Variants in KLHL14 observed in about 807,000 individuals in gnomAD.
KLHL14 encodes the protein kelch-like protein 14.
A neutral mutation model predicts 64.3 loss-of-function variants in KLHL14; 22 were observed. The ratio of observed to expected loss-of-function variants is 0.34; its 90% CI spans 0.24 to 0.49. The LOEUF (loss-of-function observed/expected upper bound fraction) is 0.49. Ranked by LOEUF, KLHL14 falls within the 20% of genes least tolerant of loss-of-function variation. The pLI is 0.99. For missense variants in KLHL14, 661 were observed against 789.0 expected (o/e 0.84, Z 1.94); for synonymous variants, 322 against 333.4 (o/e 0.97, Z 0.37).
chr18:32,745,568 A>G (rs1209473665), intron 2 of KLHL14: 2 of 152,326 alleles, frequency 1.3e-5, no homozygotes, highest in East Asian at 3.9e-4. Context: ...CGAATAAAGA[A>G]ACCTAATAGA....
chr18:32,689,668 G>T (rs1245705435), intron 4 of KLHL14, among the ~76,000 whole-genome samples: 2 of 152,298 alleles, frequency 1.3e-5, no homozygotes, highest in Non-Finnish European at 2.9e-5. Context: ...TCAAAGTTCG[G>T]ACACACTGGA....
At chr18:32,747,578 G>C (rs979325631) in intron 2 of KLHL14, among the ~76,000 whole-genome samples, 1 of 152,202 alleles carries the variant, frequency 6.6e-6, no homozygotes, top group African/African-American at 2.4e-5. Flanking sequence ...GCAGAGCTCA[G>C]GTGGTAATGC....
At chr18:32,682,861 G>A (rs1244022431) in intron 5 of KLHL14, among the ~76,000 whole-genome samples, 2 of 152,126 alleles carry the variant, frequency 1.3e-5, no homozygotes, top group Non-Finnish European at 2.9e-5. Context: ...AGGTAGGTCA[G>A]TACACTTCTT....
intron 3 of KLHL14, among the ~76,000 whole-genome samples, chr18:32,711,072 T>G (rs2050016912): frequency 6.6e-6 from 1 of 152,066 alleles, no homozygotes; most frequent in Non-Finnish European, 1.5e-5. Flanking sequence ...CTTGGTAACA[T>G]TTATCACCAG....
chr18:32,770,609 C>T lies in KLHL14; in HGVS notation c.-18G>A. On this transcript the variant is annotated 5_prime_UTR_variant, in exon 2 of 9. Transcript: ENST00000359358. This position sits in a 1 kb window ranked among gnomAD's most constrained non-coding sequence, Gnocchi z 6.7. ...CTGGACATGGCGAGCTGACTCGGTG[C>T]ACCTGGCTTTAAACCCTCCTCCAAC... 2 of 1,541,474 alleles carry T rather than the reference C, an allele frequency of 1.3e-6. No individual in the cohort carries two copies. Among genetic ancestry groups the T allele is most frequent in the Non-Finnish European group, 1.7e-6 (2 of 1,146,914 alleles).
chr18:32,675,690 C>G (rs895543442), intron 8 of KLHL14, among the ~76,000 whole-genome samples: 2 of 152,162 alleles, frequency 1.3e-5, no homozygotes, highest in Admixed American at 1.3e-4. Context: ...CCTCCCCAAA[C>G]CAAGGCAGCT....
intron 3 of KLHL14, among the ~76,000 whole-genome samples, chr18:32,721,881 C>T (rs1213049758): frequency 6.6e-6 from 1 of 152,130 alleles, no homozygotes; most frequent in Non-Finnish European, 1.5e-5. Flanking sequence ...TAGAACTCTC[C>T]TGGCCATGGT....
At chr18:32,761,393 CTTTTTTT>C (rs10676001) in intron 2 of KLHL14, among the ~76,000 whole-genome samples, 12 of 127,068 alleles carry the variant, frequency 9.4e-5, no homozygotes, top group African/African-American at 3.8e-4. Context: ...GCCACACATC[CTTTTTTT>C]TTTTTTTTTT....
chr18:32,685,847 T>C (rs372153363), intron 5 of KLHL14, among the ~76,000 whole-genome samples: 4 of 152,268 alleles, frequency 2.6e-5, no homozygotes, highest in African/African-American at 9.6e-5. Flanking sequence ...TTTGAATAAA[T>C]GGTATTGTAT....
intron 2 of KLHL14, among the ~76,000 whole-genome samples, chr18:32,750,313 T>G (rs2050244905): frequency 6.6e-6 from 1 of 152,144 alleles, no homozygotes; most frequent in Admixed American, 6.5e-5. Context: ...TGCCTCCAGC[T>G]GAAATCTGGG....
intron 2 of KLHL14, among the ~76,000 whole-genome samples, chr18:32,746,798 A>G (rs16963840): frequency 0.02 from 2,994 of 152,336 alleles, 98 homozygotes; most frequent in African/African-American, 0.067. Context: ...CTTTGAGGTA[A>G]TCTAGTTCCG....
At chr18:32,715,627 C>A (rs768921011) in intron 3 of KLHL14, among the ~76,000 whole-genome samples, 4 of 152,052 alleles carry the variant, frequency 2.6e-5, no homozygotes, top group African/African-American at 9.7e-5. Flanking sequence ...GATAAAAAGT[C>A]TTTACCTTAC....
At chr18:32,732,262 G>A (rs547967306) in intron 3 of KLHL14, among the ~76,000 whole-genome samples, 11 of 152,198 alleles carry the variant, frequency 7.2e-5, no homozygotes, top group Admixed American at 2.0e-4. Context: ...TTTATATCCT[G>A]GTAATGAATA....
At chr18:32,755,892 TTA>T (rs1475696820) in intron 2 of KLHL14, among the ~76,000 whole-genome samples, 1 of 152,234 alleles carries the variant, frequency 6.6e-6, no homozygotes, top group Non-Finnish European at 1.5e-5. Context: ...TAGCTTTACA[TTA>T]CTGGAAGAGC....
intron 2 of KLHL14, among the ~76,000 whole-genome samples, chr18:32,757,333 T>C (rs983112969): frequency 6.6e-6 from 1 of 152,206 alleles, no homozygotes; most frequent in Non-Finnish European, 1.5e-5. Flanking sequence ...AAAGGAAAGA[T>C]GAAACTGGAT....
intron 4 of KLHL14, among the ~76,000 whole-genome samples, chr18:32,695,200 G>A (rs1381842006): frequency 3.3e-5 from 5 of 152,086 alleles, no homozygotes; most frequent in Non-Finnish European, 4.4e-5. Context: ...ATTCCTCAGG[G>A]GATGGATAAG....
intron 2 of KLHL14, among the ~76,000 whole-genome samples, chr18:32,761,337 T>C (rs2144549359): frequency 6.6e-6 from 1 of 151,148 alleles, no homozygotes; most frequent in South Asian, 2.1e-4. Context: ...TAGCAGGGCC[T>C]ACAACTTCCT....
chr18:32,705,939 A>G (rs553564452), intron 3 of KLHL14, among the ~76,000 whole-genome samples: 1 of 152,260 alleles, frequency 6.6e-6, no homozygotes, highest in South Asian at 2.1e-4. Flanking sequence ...GCTCTAATTA[A>G]ATCTTTCCTG....
chr18:32,721,183 G>T (rs926145133), intron 3 of KLHL14, among the ~76,000 whole-genome samples: 46 of 152,146 alleles, frequency 3.0e-4, no homozygotes, highest in African/African-American at 1.0e-3. Context: ...ATTCCATGCC[G>T]CTGGACACTT....
Sources: allele counts gnomAD v4.1 joint callset (sites outside exome capture counted in the v4.1 genomes callset), GRCh38; gene constraint gnomAD v4.1.1; non-coding constraint Gnocchi (gnomAD v3.1); transcripts MANE v1.5; gene names NCBI Gene and HGNC (gene_info 2026-07-23, HGNC 2026-07-21).